FBXO24: variants seen among roughly 807,000 people sequenced by gnomAD.
The protein encoded by FBXO24 is F-box only protein 24.
FBXO24 carries 30 observed loss-of-function variants against 63.5 expected under a neutral mutation model. The ratio of observed to expected loss-of-function variants is 0.47; its 90% CI spans 0.35 to 0.64. FBXO24 has a LOEUF of 0.64. FBXO24 is among the 30% of genes least tolerant of loss of function. The pLI, the probability that FBXO24 is intolerant of heterozygous loss-of-function variation, is 0.00. For synonymous variants in FBXO24, 300 were observed against 305.0 expected, an observed-to-expected ratio of 0.98 and a Z score of 0.17; for missense variants, 624 against 763.4, an observed-to-expected ratio of 0.82 and a Z score of 2.15.
rs535450627 is a variant in FBXO24, at chr7:100,588,373, T to C, written c.40-1604T>C. 2.6e-5 allele frequency among the ~76,000 whole-genome samples: 4 copies of C among 152,360 alleles called. No homozygotes were observed. The East Asian group carries it at 7.7e-4, about 29-fold the overall frequency. On this transcript the variant is annotated intron_variant, in intron 1 of 9. Transcript: ENST00000241071. ...GTTGCCCAGAAATAAGTCACTGAAGTTGCTTTCTCCTTAGTTCACATCTCA... is the reference window on the plus strand; with the variant it reads ...GTTGCCCAGAAATAAGTCACTGAAGCTGCTTTCTCCTTAGTTCACATCTCA...
Position 100,600,437 on chromosome 7 carries a change from G to C in FBXO24, c.1378-97G>C. The C allele has an allele frequency of 6.6e-7, 1 of 1,514,040 alleles. No homozygotes were observed. The highest frequency in any genetic ancestry group is 8.8e-7 in the Non-Finnish European group (1 of 1,131,580). 93.8% of individuals were successfully genotyped at this position (1,514,040 alleles called of 1,614,324 possible). A position where few individuals can be genotyped will look rare whatever the true frequency, so the allele number is the denominator to read the frequency against. On this transcript the variant is annotated intron_variant, in intron 9 of 9. Coordinates refer to ENST00000241071, the MANE Select transcript of FBXO24 (RefSeq NM_033506.3). This position sits in a 1 kb window ranked among gnomAD's most constrained non-coding sequence, Gnocchi z 6.3. ...CTTAGCCGGCTCAGGGCTGGTGTGA[G>C]AGGGAAGAATGCAATAGGCAGATTA...
At position 100,600,269 on chromosome 7, in the gene FBXO24, C is replaced by A; in HGVS notation, c.1377+68C>A. On this transcript the variant is annotated intron_variant, in intron 9 of 9. Transcript: ENST00000241071. The surrounding 1 kb of genome is among the most constrained non-coding windows in gnomAD (Gnocchi z 6.3). Reference sequence around the variant, plus strand: ...AGCCATGAACCAGGAAGCCCACAGGCTGTAGCTGGGGCTCCTGCAGGGACC... The same window carrying A: ...AGCCATGAACCAGGAAGCCCACAGGATGTAGCTGGGGCTCCTGCAGGGACC... 1 of 1,453,894 alleles carries A rather than the reference C, an allele frequency of 6.9e-7. No homozygotes were observed. Among genetic ancestry groups the A allele is most frequent in the Non-Finnish European group, 9.1e-7 (1 of 1,098,548 alleles). 90.1% of individuals were successfully genotyped at this position (1,453,894 alleles called of 1,614,324 possible).
At chr7:100,595,500 G>A (rs1802262944) in intron 7 of FBXO24, 75 bp from the exon 8 acceptor site, 1 of 1,489,734 alleles carries the variant, frequency 6.7e-7, no homozygotes, top group Non-Finnish European at 9.0e-7. Context: ...GCAGGTTAGT[G>A]GCTTGGAGAC....
intron 1 of FBXO24, chr7:100,589,631 G>T (rs903761600): frequency 1.4e-6 from 2 of 1,477,984 alleles, no homozygotes; most frequent in Middle Eastern, 1.9e-4. Flanking sequence ...CCCAAGCCTA[G>T]GCTGGGGACA....
intron 1 of FBXO24, chr7:100,589,692 G>C (rs1302472998): frequency 6.5e-7 from 1 of 1,542,530 alleles, no homozygotes; most frequent in African/African-American, 1.4e-5. Flanking sequence ...TAGGAGACAG[G>C]AGGGCAGGAG....
In FBXO24 at chr7:100,592,954, A is replaced by G. The variant is rs917992561; in HGVS notation, c.730A>G (p.Met244Val). The change falls in exon 5 of 10, where the codon ATG becomes GTG. Residue 244 changes from methionine to valine, a missense_variant. This residue lies in a region of FBXO24 where 391 missense variants were observed against 469.1 expected (regional missense o/e 0.83). Coordinates refer to ENST00000241071, the MANE Select transcript of FBXO24 (RefSeq NM_033506.3). ...CTTCAAGATGACATTCCACCACTCAATGACCTTCAAGCAGATCGTGCTGGT... is the reference window on the plus strand; with the variant it reads ...CTTCAAGATGACATTCCACCACTCAGTGACCTTCAAGCAGATCGTGCTGGT... The part of the protein sequence containing the change: ...RVFKMTFHHS[M>V]TFKQIVLVGQ... 10 of 1,614,124 alleles carry G rather than the reference A, an allele frequency of 6.2e-6. No individual in the cohort carries two copies. Among genetic ancestry groups the G allele is most frequent in the Middle Eastern group, 1.7e-4 (1 of 6,060 alleles).
At chr7:100,595,852 C>G in intron 8 of FBXO24, 146 bp downstream of exon 8, 1 of 1,127,360 alleles carries the variant, frequency 8.9e-7, no homozygotes, top group Non-Finnish European at 1.2e-6. Flanking sequence ...GCCAGTGGTA[C>G]TACCCCATGT....
intron 5 of FBXO24, among the ~76,000 whole-genome samples, chr7:100,593,593 A>C (rs1402048155): frequency 1.4e-5 from 2 of 147,928 alleles, no homozygotes; most frequent in African/African-American, 5.0e-5. Flanking sequence ...ACGCCACTGC[A>C]CTCCAGCCTG....
rs1199418241 is a variant in FBXO24, at chr7:100,586,571, C to G, written c.-55C>G. The G allele has an allele frequency of 6.3e-7, 1 of 1,597,136 alleles. No homozygotes were observed. The highest frequency in any genetic ancestry group is 1.1e-5 in the South Asian group (1 of 90,446). The stretch of plus-strand genomic sequence containing the variant: ...TGTCAAGAAGGCCAATTAGAGCCTC[C>G]GAAGGGAATCTGGACCTGCCTCTTC... On this transcript the variant is annotated 5_prime_UTR_variant, in exon 1 of 10. Coordinates refer to ENST00000241071, the MANE Select transcript of FBXO24 (RefSeq NM_033506.3).
At chr7:100,599,890 C>G in intron 8 of FBXO24, 141 bp from the exon 9 acceptor site, 4 of 920,166 alleles carry the variant, frequency 4.3e-6, no homozygotes, top group Non-Finnish European at 6.7e-6. Context: ...GCAGGGCAGA[C>G]CTGGGGCGTG....
chr7:100,592,677 C>T, intron 4 of FBXO24, 106 bp from the exon 5 acceptor site: 1 of 855,750 alleles, frequency 1.2e-6, no homozygotes. Context: ...GGCTCATTTC[C>T]CAACTCTGGA....
At chr7:100,591,130 C>G (rs539134043) in intron 3 of FBXO24, among the ~76,000 whole-genome samples, 1 of 151,154 alleles carries the variant, frequency 6.6e-6, no homozygotes, top group East Asian at 1.9e-4. Context: ...CTCCACCTCC[C>G]GGGTTCAAGT....
At chr7:100,589,811 CAGG>C in intron 1 of FBXO24, 163 bp from the exon 2 acceptor site, 1 of 1,515,096 alleles carries the variant, frequency 6.6e-7, no homozygotes, top group Non-Finnish European at 8.9e-7. Flanking sequence ...GGATTGGCCG[CAGG>C]AGATCGGGAG....
At chr7:100,599,824 C>A in intron 8 of FBXO24, 1 of 587,372 alleles carries the variant, frequency 1.7e-6, no homozygotes, top group Non-Finnish European at 3.0e-6. Flanking sequence ...GATGAGATAC[C>A]AACAGAAGTG....
chr7:100,598,806 G>A (rs888302360), intron 8 of FBXO24, among the ~76,000 whole-genome samples: 2 of 151,398 alleles, frequency 1.3e-5, no homozygotes, highest in Non-Finnish European at 3.0e-5. Context: ...GTGAAACCCC[G>A]TCTCTACTAA....
At position 100,592,782 on chromosome 7, in the gene FBXO24, G is replaced by C; in HGVS notation, c.559-1G>C. The C allele has an allele frequency of 1.2e-6, 2 of 1,612,944 alleles. No individual in the cohort carries two copies. Among genetic ancestry groups the C allele is most frequent in the Non-Finnish European group, 1.7e-6 (2 of 1,179,308 alleles). ...CCAGACGCCCTCATCTTTTCCCCCA[G>C]TTTGCCTCGGACCCAAGGTGTGACA... On this transcript the variant is annotated splice_acceptor_variant, in intron 4 of 9. Coordinates refer to ENST00000241071, the MANE Select transcript of FBXO24 (RefSeq NM_033506.3). LOFTEE classifies it high-confidence loss of function.
Position 100,586,474 on chromosome 7 carries a change from G to A in FBXO24, c.-152G>A, listed in dbSNP as rs1372360947. ...CTCCACTAGCAGGAAAACGGGCCGA[G>A]GGACCGCAAGCAGGGGGTGCCTAGT... On this transcript the variant is annotated 5_prime_UTR_variant, in exon 1 of 10. Transcript: ENST00000241071. 2 of 793,692 alleles carry A rather than the reference G, an allele frequency of 2.5e-6. No homozygotes were observed. The highest frequency in any genetic ancestry group is 4.2e-6 in the Non-Finnish European group (2 of 475,480). The allele number at this position is 793,692 out of a possible 1,614,324, so 49.2% of individuals were successfully genotyped here.
chr7:100,590,184 T>C lies in FBXO24; in HGVS notation c.149T>C (p.Ile50Thr). The change falls in exon 3 of 10, where the codon ATC becomes ACC. Residue 50 changes from isoleucine (I) to threonine (T), a missense_variant. By Grantham distance (89) the Ile-to-Thr change is moderately conservative. This residue lies in a region of FBXO24 where 391 missense variants were observed against 469.1 expected (regional missense o/e 0.83). Coordinates refer to ENST00000241071, the MANE Select transcript of FBXO24 (RefSeq NM_033506.3). ...CCTCCTCCCTCCCAGGTGGAGCATA[T>C]CATCTCATTCCTCCCAGTCAGAGAC... Reference protein sequence around the residue: ...QLFPPELVEHIISFLPVRDLV... With the variant: ...QLFPPELVEHTISFLPVRDLV... 2 of 1,613,792 alleles carry C rather than the reference T, an allele frequency of 1.2e-6. No individual in the cohort carries two copies. The highest frequency in any genetic ancestry group is 1.7e-6 in the Non-Finnish European group (2 of 1,179,826).
Position 100,594,490 on chromosome 7 carries a change from C to T in FBXO24, c.901C>T (p.Leu301=), listed in dbSNP as rs768253638. The change falls in exon 6 of 10, where the codon CTG becomes TTG. Residue 301 remains leucine, a synonymous_variant. Coordinates refer to ENST00000241071, the MANE Select transcript of FBXO24 (RefSeq NM_033506.3). This position sits in a 1 kb window ranked among gnomAD's most constrained non-coding sequence, Gnocchi z 4.2. ...GAAGGTGTCCCACTACCTGCCTCACCTGCGCGTGGCCTGCATGACTTCCAA... is the reference window on the plus strand; with the variant it reads ...GAAGGTGTCCCACTACCTGCCTCACTTGCGCGTGGCCTGCATGACTTCCAA... The part of the protein sequence containing the change: ...LRKVSHYLPH[L]RVACMTSNQS... The T allele has an allele frequency of 1.8e-5, 29 of 1,613,288 alleles. No individual in the cohort carries two copies. Among genetic ancestry groups the T allele is most frequent in the African/African-American group, 2.7e-5 (2 of 74,882 alleles).
Sources: allele counts gnomAD v4.1 joint callset (sites outside exome capture counted in the v4.1 genomes callset), GRCh38; gene constraint gnomAD v4.1.1; regional missense constraint gnomAD v4.1.1; non-coding constraint Gnocchi (gnomAD v3.1); transcripts MANE v1.5; gene names NCBI Gene and HGNC (gene_info 2026-07-23, HGNC 2026-07-21).